The following PLAC1 variants were observed in gnomAD, a reference collection of about 807,000 sequenced individuals.
The protein encoded by PLAC1 is placenta-specific protein 1.
For synonymous variants in PLAC1, 68 were observed against 62.1 expected (o/e 1.09, Z -0.44); for missense variants, 136 against 163.2 (o/e 0.83, Z 0.91).
upstream of PLAC1, among the ~76,000 whole-genome samples, chrX:134,661,828 C>T (rs2078417627): frequency 8.9e-6 from 1 of 112,266 alleles, no homozygotes; most frequent in Non-Finnish European, 1.9e-5. Flanking sequence ...GTTATGGTCA[C>T]AATGGTGTGC....
intron 2 of PLAC1, among the ~76,000 whole-genome samples, chrX:134,587,863 G>A (rs1003331001): frequency 8.9e-6 from 1 of 112,088 alleles, no homozygotes; most frequent in Non-Finnish European, 1.9e-5. Flanking sequence ...CAGGCAGTGC[G>A]GGAAGGGGAC....
intron 2 of PLAC1, among the ~76,000 whole-genome samples, chrX:134,704,775 G>A (rs1480919713): frequency 1.9e-5 from 2 of 103,552 alleles, no homozygotes; most frequent in East Asian, 2.9e-4. Flanking sequence ...GGCAGATCAC[G>A]AGGTCAGGAG....
At position 134,609,296 on chromosome X, in the gene PLAC1, C is replaced by T. The variant is rs372510770; in HGVS notation, c.-130-7174G>A. On this transcript the variant is annotated intron_variant, in intron 1 of 2. Transcript: ENST00000359237. ...CTCCTTCACTTCTTCATTAGCACCACATAACAACTGGAAATAACATCACTA... is the reference window on the plus strand; with the variant it reads ...CTCCTTCACTTCTTCATTAGCACCATATAACAACTGGAAATAACATCACTA... Among the ~76,000 whole-genome samples the T allele has an allele frequency of 3.6e-5, 4 of 111,417 alleles. No individual in the cohort carries two copies. The East Asian group carries it at 8.5e-4, about 24-fold the overall frequency.
intron 2 of PLAC1, among the ~76,000 whole-genome samples, chrX:134,705,202 T>G (rs1399566345): frequency 9.4e-6 from 1 of 106,324 alleles, no homozygotes; most frequent in Non-Finnish European, 1.9e-5. Context: ...AGGTGGATCA[T>G]GAGGTCAGGA....
rs2078756610 is a variant in PLAC1 at position 134,756,133 on chromosome X, G to T, written n.89+8101C>A. ...CCCAAAGTGTTGGGATTACAGGCAT[G>T]AGCCACCACGCCCGGCCTTCATCAT... On this transcript the variant is annotated intron_variant and non_coding_transcript_variant, in intron 1 of 2. Coordinates refer to the PLAC1 transcript ENST00000466797. Among the ~76,000 whole-genome samples the T allele has an allele frequency of 2.7e-5, 3 of 109,322 alleles. No homozygotes were observed. In the South Asian group the frequency reaches 1.2e-3, roughly 43 times the overall value. 94.9% of individuals were successfully genotyped at this position (109,322 alleles called of 115,157 possible).
chrX:134,735,974 A>AG (rs1556188262), intron 1 of PLAC1, among the ~76,000 whole-genome samples: 40 of 109,260 alleles, frequency 3.7e-4, no homozygotes, highest in South Asian at 1.6e-3. Context: ...AAAAAAAAAA[A>AG]AAGAAGAAGA....
intron 2 of PLAC1, among the ~76,000 whole-genome samples, chrX:134,663,887 A>C (rs2078426147): frequency 9.0e-6 from 1 of 111,592 alleles, no homozygotes; most frequent in South Asian, 3.8e-4. Flanking sequence ...CTTTTTGTTG[A>C]GGGAACATTG....
At chrX:134,738,695 G>T (rs967850002) in intron 1 of PLAC1, among the ~76,000 whole-genome samples, 14 of 112,388 alleles carry the variant, frequency 1.2e-4, no homozygotes, top group Non-Finnish European at 2.4e-4. Flanking sequence ...AATTCATTTG[G>T]CTTTGTTTTT....
chrX:134,566,272 C>T lies in PLAC1; in HGVS notation c.411G>A (p.Arg137=). The change falls in exon 3 of 3, where the codon AGG becomes AGA. Residue 137 remains arginine (R), a synonymous_variant. Coordinates refer to ENST00000359237, the MANE Select transcript of PLAC1 (RefSeq NM_021796.4). The part of the protein sequence containing the change: ...PCSMRVASKS[R]ATAQKDEKCY... ...ATTTCTCATCCTTCTGGGCTGTGGC[C>T]CTGCTCTTGCTGGCTACTCTCATGG... The T allele has an allele frequency of 8.3e-7, 1 of 1,211,787 alleles. No individual in the cohort carries two copies. Among genetic ancestry groups the T allele is most frequent in the Non-Finnish European group, 1.1e-6 (1 of 895,516 alleles).
intron 1 of PLAC1, among the ~76,000 whole-genome samples, chrX:134,616,866 C>T (rs1452711340): frequency 9.2e-6 from 1 of 108,989 alleles, no homozygotes; most frequent in Admixed American, 9.7e-5. Context: ...GCCTTCGCCT[C>T]CTTAGTTCAA....
At chrX:134,646,324 G>A (rs1361337381) in intron 1 of PLAC1, among the ~76,000 whole-genome samples, 1 of 111,926 alleles carries the variant, frequency 8.9e-6, no homozygotes, top group African/African-American at 3.3e-5. Flanking sequence ...CAACTACATG[G>A]GAGTTTGTCC....
At chrX:134,612,879 G>C (rs1223898539) in intron 1 of PLAC1, among the ~76,000 whole-genome samples, 3 of 110,924 alleles carry the variant, frequency 2.7e-5, no homozygotes, top group African/African-American at 6.6e-5. Context: ...ACCCCCAGGG[G>C]GTCCTATTAT....
chrX:134,590,590 G>A (rs187644954), intron 2 of PLAC1, among the ~76,000 whole-genome samples: 1,828 of 111,623 alleles, frequency 0.016, 13 homozygotes, highest in Non-Finnish European at 0.024. Context: ...CTATTCTCGG[G>A]ATCTGGCAAG....
chrX:134,657,251 G>A lies in PLAC1; in HGVS notation c.-131+1077C>T, dbSNP rs185450101. 2.1e-3 allele frequency among the ~76,000 whole-genome samples: 239 copies of A among 112,346 alleles called. 1 individual carries two copies. The highest frequency in any genetic ancestry group is 6.8e-3 in the African/African-American group (210 of 30,918). Reference sequence around the variant, plus strand: ...TTGACTTATGATGGGGCTATGTCCCGATAAAACCATCACAAATCAAAAATA... The same window carrying A: ...TTGACTTATGATGGGGCTATGTCCCAATAAAACCATCACAAATCAAAAATA... On this transcript the variant is annotated intron_variant, in intron 1 of 2. Transcript: ENST00000359237.
intron 1 of PLAC1, among the ~76,000 whole-genome samples, chrX:134,641,131 G>A (rs1241446535): frequency 9.0e-6 from 1 of 111,362 alleles, no homozygotes; most frequent in Non-Finnish European, 1.9e-5. Flanking sequence ...GCACATGCCT[G>A]TAATCCCAGA....
At chrX:134,572,716 C>T (rs1482225611) in intron 2 of PLAC1, among the ~76,000 whole-genome samples, 1 of 110,628 alleles carries the variant, frequency 9.0e-6, no homozygotes, top group Non-Finnish European at 1.9e-5. Flanking sequence ...CCTTCTCAAC[C>T]CCCAAATAAC....
At chrX:134,579,997 C>G (rs1004996071) in intron 2 of PLAC1, among the ~76,000 whole-genome samples, 1 of 111,988 alleles carries the variant, frequency 8.9e-6, no homozygotes, top group South Asian at 3.7e-4. Context: ...GTTTAATTTC[C>G]CACGTGGCTA....
chrX:134,653,722 C>T (rs1470180869), intron 1 of PLAC1, among the ~76,000 whole-genome samples: 1 of 111,347 alleles, frequency 9.0e-6, no homozygotes, highest in African/African-American at 3.3e-5. Flanking sequence ...GTCCTAGGGC[C>T]GCTTCTAGTA....
At chrX:134,762,842 A>G (rs1180608754) in intron 1 of PLAC1, among the ~76,000 whole-genome samples, 3 of 105,644 alleles carry the variant, frequency 2.8e-5, no homozygotes, top group African/African-American at 1.0e-4. Context: ...AAAAAAAAAA[A>G]AAAAAAGAAA....
Sources: gnomAD v4.1 joint callset for allele counts (sites outside exome capture counted in the v4.1 genomes callset) on GRCh38, gnomAD v4.1.1 for gene constraint, MANE v1.5 for transcripts, NCBI Gene and HGNC (gene_info 2026-07-23, HGNC 2026-07-21) for gene names.